FAM107B: variants seen among roughly 807,000 people sequenced by gnomAD.
FAM107B encodes the protein family with sequence similarity 107 member B.
A neutral mutation model predicts 31.5 loss-of-function variants in FAM107B; 21 were observed. The ratio of observed to expected loss-of-function variants is 0.67; its 90% CI spans 0.47 to 0.96. The LOEUF is 0.96. Among genes scored for constraint, FAM107B ranks in the 40% least tolerant of loss-of-function variants. The pLI is 0.00. For synonymous variants in FAM107B, 157 were observed against 141.5 expected, an observed-to-expected ratio of 1.11 and a Z score of -0.78; for missense variants, 452 against 377.1, an observed-to-expected ratio of 1.20 and a Z score of -1.64.
At chr10:14,545,284 T>C (rs1449123745) in intron 2 of FAM107B, among the ~76,000 whole-genome samples, 1 of 152,174 alleles carries the variant, frequency 6.6e-6, no homozygotes, top group Admixed American at 6.5e-5. Context: ...GGACGTGTGC[T>C]CTTTCTGCTA....
intron 1 of FAM107B, among the ~76,000 whole-genome samples, chr10:14,708,356 C>T (rs1044207475): frequency 1.3e-5 from 2 of 152,160 alleles, no homozygotes; most frequent in Admixed American, 6.5e-5. Flanking sequence ...GCTGAGATTA[C>T]AGGCATGAGC....
intron 2 of FAM107B, chr10:14,548,415 G>A: frequency 2.0e-6 from 2 of 985,626 alleles, no homozygotes; most frequent in Non-Finnish European, 2.4e-6. Flanking sequence ...GTCTGTGAGG[G>A]TGCGTGGGGC....
chr10:14,548,121 G>A (rs1848880557), intron 2 of FAM107B, among the ~76,000 whole-genome samples: 1 of 152,200 alleles, frequency 6.6e-6, no homozygotes, highest in Non-Finnish European at 1.5e-5. Context: ...GACCCACAGC[G>A]CTCGCTGGTT....
intron 2 of FAM107B, among the ~76,000 whole-genome samples, chr10:14,545,209 T>C (rs1848583875): frequency 6.6e-6 from 1 of 152,174 alleles, no homozygotes. Flanking sequence ...ATCATGCAGC[T>C]AGCTCCAGAG....
chr10:14,548,426 G>A (rs1588549408), intron 2 of FAM107B: 1 of 985,656 alleles, frequency 1.0e-6, no homozygotes, highest in Non-Finnish European at 1.2e-6. Flanking sequence ...TGCGTGGGGC[G>A]TAGGTAACAG....
At chr10:14,541,651 G>A (rs1051140867) in intron 2 of FAM107B, among the ~76,000 whole-genome samples, 21 of 152,280 alleles carry the variant, frequency 1.4e-4, no homozygotes, top group African/African-American at 5.1e-4. Context: ...CCCCGCCTGT[G>A]GGCTAATTTC....
At chr10:14,563,683 G>GT (rs1211466861) in intron 2 of FAM107B, among the ~76,000 whole-genome samples, 1 of 152,152 alleles carries the variant, frequency 6.6e-6, no homozygotes, top group Non-Finnish European at 1.5e-5. Flanking sequence ...AAGAATGTCC[G>GT]TAATTATCTG....
At chr10:14,636,248 G>A (rs1041187047) in intron 2 of FAM107B, among the ~76,000 whole-genome samples, 1 of 141,994 alleles carries the variant, frequency 7.0e-6, no homozygotes, top group Non-Finnish European at 1.5e-5. Context: ...TTTTGCCATA[G>A]TGTGACTCTT....
At chr10:14,564,830 CT>C (rs1588600547) in intron 2 of FAM107B, among the ~76,000 whole-genome samples, 1 of 152,222 alleles carries the variant, frequency 6.6e-6, no homozygotes, top group East Asian at 1.9e-4. Context: ...TTTCTAATAT[CT>C]CAAGAACAGG....
chr10:14,736,978 C>G (rs1856313651), intron 1 of FAM107B, among the ~76,000 whole-genome samples: 1 of 152,074 alleles, frequency 6.6e-6, no homozygotes, highest in Non-Finnish European at 1.5e-5. Context: ...GGGGAAAGGC[C>G]ACACAGCAGA....
Position 14,603,179 on chromosome 10 carries a change from C to G in FAM107B, c.469+64455G>C, listed in dbSNP as rs185867892. Among the ~76,000 whole-genome samples the G allele has an allele frequency of 1.9e-3, 287 of 151,786 alleles. 1 individual carries two copies. The highest frequency in any genetic ancestry group is 6.4e-3 in the African/African-American group (264 of 41,408). On this transcript the variant is annotated intron_variant, in intron 2 of 4. Coordinates refer to ENST00000181796, the MANE Select transcript of FAM107B (RefSeq NM_031453.4). ...AAATTTTCTCATGAAAAGTTTTAAA[C>G]CGGAAACCAGCAGCGCTAAGAAATC...
intron 1 of FAM107B, among the ~76,000 whole-genome samples, chr10:14,731,394 T>A (rs938829691): frequency 8.6e-5 from 13 of 152,006 alleles, no homozygotes; most frequent in African/African-American, 3.1e-4. Context: ...AAACCCCATC[T>A]CTACTAAAAA....
intron 1 of FAM107B, among the ~76,000 whole-genome samples, chr10:14,703,524 A>G (rs1454887498): frequency 4.6e-5 from 7 of 152,050 alleles, no homozygotes; most frequent in African/African-American, 1.7e-4. Flanking sequence ...TAGTAGAGAC[A>G]GGGTTTCACC....
chr10:14,523,404 C>T (rs1358216014), intron 3 of FAM107B, among the ~76,000 whole-genome samples: 1 of 152,266 alleles, frequency 6.6e-6, no homozygotes, highest in Non-Finnish European at 1.5e-5. Context: ...CACACACACT[C>T]ATGCTACGCA....
intron 2 of FAM107B, among the ~76,000 whole-genome samples, chr10:14,659,500 G>A (rs1444002945): frequency 6.6e-6 from 1 of 152,016 alleles, no homozygotes; most frequent in Non-Finnish European, 1.5e-5. Flanking sequence ...TAAGGTTAAG[G>A]GAATGGAAAG....
chr10:14,572,241 G>C, intron 2 of FAM107B: 1 of 985,478 alleles, frequency 1.0e-6, no homozygotes, highest in Non-Finnish European at 1.2e-6. Flanking sequence ...TCCAGACCAA[G>C]AGAACGTGCT....
intron 3 of FAM107B, among the ~76,000 whole-genome samples, chr10:14,528,280 CA>C (rs1272700641): frequency 7.1e-6 from 1 of 141,070 alleles, no homozygotes; most frequent in Non-Finnish European, 1.5e-5. Context: ...CTCCCATGTT[CA>C]AGCAATTCTC....
chr10:14,589,690 C>A (rs892181757), intron 2 of FAM107B, among the ~76,000 whole-genome samples: 16 of 151,980 alleles, frequency 1.1e-4, no homozygotes, highest in African/African-American at 3.6e-4. Context: ...AGGACAAATA[C>A]CAAATGTATG....
chr10:14,588,294 T>C (rs1851908360), intron 2 of FAM107B, among the ~76,000 whole-genome samples: 1 of 149,268 alleles, frequency 6.7e-6, no homozygotes, highest in African/African-American at 2.6e-5. Context: ...ATTTCAGCTG[T>C]AAGTAGGAAA....
Sources: allele counts gnomAD v4.1 joint callset (sites outside exome capture counted in the v4.1 genomes callset), GRCh38; gene constraint gnomAD v4.1.1; transcripts MANE v1.5; gene names NCBI Gene and HGNC (gene_info 2026-07-23, HGNC 2026-07-21).